ADAM32: variants seen among roughly 807,000 people sequenced by gnomAD.
ADAM32 encodes the protein disintegrin and metalloproteinase domain-containing protein 32.
In ADAM32, 89 loss-of-function variants were observed where a neutral mutation model predicts 114.9. The observed-to-expected ratio is 0.77, with a 90% CI of 0.65 to 0.92. The LOEUF (loss-of-function observed/expected upper bound fraction) is 0.92, where lower values mean the gene tolerates loss of function less well. Among genes scored for constraint, ADAM32 ranks in the 40% least tolerant of loss-of-function variants. ADAM32 has a pLI of 0.00. For missense variants in ADAM32, 870 were observed against 932.8 expected (o/e 0.93, Z 0.88); for synonymous variants, 285 against 307.5 (o/e 0.93, Z 0.77).
rs556588828 is a variant in ADAM32 at position 39,207,528 on chromosome 8, C to G, written c.1053-3616C>G. On this transcript the variant is annotated intron_variant, in intron 11 of 24. Coordinates refer to ENST00000379907, the MANE Select transcript of ADAM32 (RefSeq NM_145004.7). ...ATTAGGGTAATTCCCATATCCATCA[C>G]TATAAACATTTATCATTTCAGCATG... Among the ~76,000 whole-genome samples the G allele has an allele frequency of 2.0e-5, 3 of 152,272 alleles. No homozygotes were observed. The East Asian group carries it at 5.8e-4, about 29-fold the overall frequency.
At position 39,283,568 on chromosome 8, in the gene ADAM32, A is replaced by G; in HGVS notation, c.2319-18A>G. The G allele has an allele frequency of 6.3e-7, 1 of 1,579,238 alleles. No homozygotes were observed. Among genetic ancestry groups the G allele is most frequent in the East Asian group, 2.3e-5 (1 of 44,202 alleles). Reference sequence around the variant, plus strand: ...TGTATTATATCAGCCTAAAAATGTTATTTCCTTATTTCCTTAGATCCAAAT... The same window carrying G: ...TGTATTATATCAGCCTAAAAATGTTGTTTCCTTATTTCCTTAGATCCAAAT... On this transcript the variant is annotated intron_variant, in intron 23 of 24. Coordinates refer to ENST00000379907, the MANE Select transcript of ADAM32 (RefSeq NM_145004.7).
intron 1 of ADAM32, among the ~76,000 whole-genome samples, chr8:39,110,869 A>C (rs1840127810): frequency 6.6e-6 from 1 of 152,178 alleles, no homozygotes; most frequent in Non-Finnish European, 1.5e-5. Flanking sequence ...CACATTAAGC[A>C]GTCACTCCTC....
intron 16 of ADAM32, among the ~76,000 whole-genome samples, chr8:39,239,291 CA>C: frequency 6.6e-6 from 1 of 152,232 alleles, no homozygotes; most frequent in Middle Eastern, 3.4e-3. Flanking sequence ...AAACAATTAT[CA>C]GCTAGGAATT....
chr8:39,165,121 A>T lies in ADAM32; in HGVS notation c.758A>T (p.Glu253Val). The T allele has an allele frequency of 6.2e-7, 1 of 1,607,532 alleles. No homozygotes were observed. The highest frequency in any genetic ancestry group is 8.5e-7 in the Non-Finnish European group (1 of 1,175,258). The change falls in exon 9 of 25, where the codon GAA becomes GTA. Residue 253 changes from glutamate (E) to valine (V), a missense_variant. Transcript: ENST00000379907. ...ATTTCTACAGTTGGTGAGGCAGATG[A>T]ATTATTGCAAAAATTTTTAGAATGG... is the stretch of plus-strand genomic sequence containing the variant. The part of the protein sequence containing the change: ...NKISTVGEAD[E>V]LLQKFLEWKQ...
At chr8:39,206,020 G>A (rs1387755774) in intron 11 of ADAM32, among the ~76,000 whole-genome samples, 1 of 152,148 alleles carries the variant, frequency 6.6e-6, no homozygotes, top group Non-Finnish European at 1.5e-5. Context: ...ACAATTTAAT[G>A]AGTTGACTTT....
chr8:39,198,256 C>T (rs1051239160), intron 11 of ADAM32, among the ~76,000 whole-genome samples: 2 of 151,920 alleles, frequency 1.3e-5, no homozygotes, highest in African/African-American at 4.8e-5. Flanking sequence ...ATCCTTTCAG[C>T]CAGTCTATAT....
intron 10 of ADAM32, among the ~76,000 whole-genome samples, chr8:39,178,614 C>T (rs1805660799): frequency 6.6e-6 from 1 of 152,176 alleles, no homozygotes; most frequent in Admixed American, 6.5e-5. Flanking sequence ...TTTAAGTTTT[C>T]AGTGTTTTTG....
intron 11 of ADAM32, among the ~76,000 whole-genome samples, chr8:39,208,542 G>A (rs1014900035): frequency 6.6e-6 from 1 of 152,078 alleles, no homozygotes; most frequent in Non-Finnish European, 1.5e-5. Flanking sequence ...ATTCTTTTCT[G>A]TCAGACTGAA....
chr8:39,207,262 T>A (rs13255986), intron 11 of ADAM32, among the ~76,000 whole-genome samples: 70,556 of 151,926 alleles, frequency 0.46, 17,760 homozygotes, highest in South Asian at 0.69. Context: ...ATTTACTTGC[T>A]CTTTTGGTCT....
intron 7 of ADAM32, 67 bp downstream of exon 7, chr8:39,161,032 T>G (rs1804478682): frequency 2.2e-6 from 3 of 1,346,932 alleles, no homozygotes; most frequent in Non-Finnish European, 3.0e-6. Flanking sequence ...CCTAGCTAGC[T>G]AGACAGAAAC....
rs534270953 is a variant in ADAM32, at chr8:39,241,323, C to A, written c.1819-4760C>A. Among the ~76,000 whole-genome samples the A allele has an allele frequency of 2.0e-4, 31 of 152,340 alleles. 1 individual carries two copies. The highest frequency in any genetic ancestry group is 3.3e-4 in the Admixed American group (5 of 15,300). On this transcript the variant is annotated intron_variant, in intron 16 of 24. Transcript: ENST00000379907. Reference sequence around the variant, plus strand: ...CAGTGCAAGCTGTAGGTGGATCTACCATTCTGGGGTCTGGAGGATGGTGGC... The same window carrying A: ...CAGTGCAAGCTGTAGGTGGATCTACAATTCTGGGGTCTGGAGGATGGTGGC...
intron 6 of ADAM32, among the ~76,000 whole-genome samples, chr8:39,156,355 G>C (rs551600490): frequency 3.8e-4 from 58 of 152,268 alleles, no homozygotes; most frequent in African/African-American, 1.3e-3. Context: ...TTGTTGCCCA[G>C]GCTAGTCTCA....
At chr8:39,129,969 T>TA (rs1344492611) in intron 2 of ADAM32, 3 of 371,392 alleles carry the variant, frequency 8.1e-6, no homozygotes, top group Non-Finnish European at 1.6e-5. Context: ...TTTTTTTTTT[T>TA]TTCAAGACAA....
rs776360281 is a variant in ADAM32, at chr8:39,233,962, T to C, written c.1698T>C (p.Asn566=). The change falls in exon 16 of 25, where the codon AAT becomes AAC. Residue 566 remains asparagine (N), a synonymous_variant. Transcript: ENST00000379907. ...CTCGAAAGCCTTTCCATCAAGAAAATGGTGATGTGATTTATGCTTTCGTAC... is the reference window on the plus strand; with the variant it reads ...CTCGAAAGCCTTTCCATCAAGAAAACGGTGATGTGATTTATGCTTTCGTAC... ...YPTRKPFHQE[N]GDVIYAFVRD... The C allele has an allele frequency of 1.0e-5, 16 of 1,592,020 alleles. No homozygotes were observed. The highest frequency in any genetic ancestry group is 1.2e-5 in the Non-Finnish European group (14 of 1,168,478).
At chr8:39,251,480 T>A (rs1356759521) in intron 17 of ADAM32, among the ~76,000 whole-genome samples, 2 of 151,976 alleles carry the variant, frequency 1.3e-5, no homozygotes, top group Non-Finnish European at 2.9e-5. Flanking sequence ...GAACATTTTT[T>A]CATATACCTG....
At position 39,237,932 on chromosome 8, in the gene ADAM32, C is replaced by A. The variant is rs146215905; in HGVS notation, c.1818+3850C>A. ...TCCCCCTATACTACTACAGCTGATG[C>A]TCTCTTGAAAGTGCTGTCTCTTGGC... On this transcript the variant is annotated intron_variant, in intron 16 of 24. Coordinates refer to ENST00000379907, the MANE Select transcript of ADAM32 (RefSeq NM_145004.7). Among the ~76,000 whole-genome samples the A allele has an allele frequency of 5.3e-5, 8 of 152,334 alleles. No individual in the cohort carries two copies. The East Asian group carries it at 1.5e-3, about 29-fold the overall frequency.
At chr8:39,207,672 C>A (rs923274910) in intron 11 of ADAM32, among the ~76,000 whole-genome samples, 1 of 152,182 alleles carries the variant, frequency 6.6e-6, no homozygotes, top group African/African-American at 2.4e-5. Flanking sequence ...GTTTAACTAA[C>A]TTTTACACAT....
intron 2 of ADAM32, among the ~76,000 whole-genome samples, chr8:39,131,671 AT>A: frequency 6.6e-6 from 1 of 152,176 alleles, no homozygotes; most frequent in East Asian, 1.9e-4. Flanking sequence ...TGCACTTACA[AT>A]TTTTATGTCT....
intron 2 of ADAM32, among the ~76,000 whole-genome samples, chr8:39,133,523 T>C (rs921167031): frequency 2.0e-5 from 3 of 152,144 alleles, no homozygotes; most frequent in Non-Finnish European, 4.4e-5. Flanking sequence ...GGATGGGGCC[T>C]TGGGCCCTGG....
Sources: gnomAD v4.1 joint callset for allele counts (sites outside exome capture counted in the v4.1 genomes callset) on GRCh38, gnomAD v4.1.1 for gene constraint, MANE v1.5 for transcripts, NCBI Gene and HGNC (gene_info 2026-07-23, HGNC 2026-07-21) for gene names.